Variants in USP33 observed in about 807,000 individuals in gnomAD.
The protein encoded by USP33 is ubiquitin specific peptidase 33.
Under a neutral mutation model 124.2 loss-of-function variants are expected in USP33, and 46 were observed. The ratio of observed to expected loss-of-function variants is 0.37; its 90% CI spans 0.29 to 0.47. The LOEUF is 0.47. Among genes scored for constraint, USP33 ranks in the 20% least tolerant of loss-of-function variants. The pLI, the probability that USP33 is intolerant of heterozygous loss-of-function variation, is 0.99. For missense variants in USP33, 851 were observed against 1,070.6 expected (o/e 0.79, Z 2.86); for synonymous variants, 350 against 352.3 (o/e 0.99, Z 0.07).
At chr1:77,718,446 A>G in intron 16 of USP33, 150 bp downstream of exon 16, 1 of 700,018 alleles carries the variant, frequency 1.4e-6, no homozygotes, top group Non-Finnish European at 2.4e-6. Flanking sequence ...ATTTAACTCA[A>G]TATTTTAAAA....
At chr1:77,703,175 T>C (rs959821707) in intron 21 of USP33, among the ~76,000 whole-genome samples, 5 of 152,236 alleles carry the variant, frequency 3.3e-5, no homozygotes, top group African/African-American at 1.2e-4. Context: ...CTGGCCACTT[T>C]GTTATTGCCA....
At chr1:77,701,696 T>A in intron 21 of USP33, 1 of 365,178 alleles carries the variant, frequency 2.7e-6, no homozygotes, top group Non-Finnish European at 4.8e-6. Flanking sequence ...TGAGATAGAG[T>A]TTTGCTGTTG....
rs765393498 is a variant in USP33 at position 77,718,178 on chromosome 1, AG to A, written c.1738-132del. On this transcript the variant is annotated intron_variant, in intron 16 of 23. Coordinates refer to ENST00000370794, the MANE Select transcript of USP33 (RefSeq NM_201624.3). ...GTGTTCAATCAAATTACAATTATGA[AG>A]TTATTTAGATTTTTATTTCGTTTTA... is the stretch of plus-strand genomic sequence containing the variant. 276 of 779,456 alleles carry A rather than the reference AG, an allele frequency of 3.5e-4. 1 individual carries two copies. Among genetic ancestry groups the A allele is most frequent in the South Asian group, 1.3e-3 (57 of 44,858 alleles). 48.3% of individuals were successfully genotyped at this position (779,456 alleles called of 1,614,324 possible).
chr1:77,703,443 G>T (rs1460106123), intron 21 of USP33, among the ~76,000 whole-genome samples: 3 of 152,108 alleles, frequency 2.0e-5, no homozygotes, highest in African/African-American at 7.2e-5. Flanking sequence ...GGCCAACATG[G>T]TGAAACCTCA....
At chr1:77,705,914 T>C (rs934533659) in intron 21 of USP33, among the ~76,000 whole-genome samples, 1 of 152,202 alleles carries the variant, frequency 6.6e-6, no homozygotes. Flanking sequence ...AGACATTATA[T>C]AGTCTTTTGT....
rs186262819 is a variant in USP33, at chr1:77,699,004, C to T, written c.2510-1073G>A. 4.0e-5 allele frequency among the ~76,000 whole-genome samples: 6 copies of T among 151,668 alleles called. No individual in the cohort carries two copies. In the East Asian group the frequency reaches 1.2e-3, roughly 29 times the overall value. ...TTTAAAATTTAAGGCAAAAGTGAACCGCATGGTCATCATCAAAAGTTGTAA... is the reference window on the plus strand; with the variant it reads ...TTTAAAATTTAAGGCAAAAGTGAACTGCATGGTCATCATCAAAAGTTGTAA... On this transcript the variant is annotated intron_variant, in intron 22 of 23. Coordinates refer to ENST00000370794, the MANE Select transcript of USP33 (RefSeq NM_201624.3).
intron 21 of USP33, among the ~76,000 whole-genome samples, chr1:77,705,700 T>C (rs1674549194): frequency 6.6e-6 from 1 of 151,926 alleles, no homozygotes; most frequent in Admixed American, 6.6e-5. Context: ...TAAGGTGTAA[T>C]CCTCCCACTC....
At position 77,718,101 on chromosome 1, in the gene USP33, T is replaced by C. The variant is rs1251056541; in HGVS notation, c.1738-54A>G. On this transcript the variant is annotated intron_variant, in intron 16 of 23. Transcript: ENST00000370794. Reference sequence around the variant, plus strand: ...TTGTCAATACAGAAAACAAAAAGCATTATAACAGGTAAAACTTAGTAACAT... The same window carrying C: ...TTGTCAATACAGAAAACAAAAAGCACTATAACAGGTAAAACTTAGTAACAT... 9.0e-6 allele frequency: 13 copies of C among 1,441,182 alleles called. No homozygotes were observed. The South Asian group carries it at 1.1e-4, about 12-fold the overall frequency. 89.3% of individuals were successfully genotyped at this position (1,441,182 alleles called of 1,614,324 possible).
At chr1:77,721,610 T>C (rs1676567666) in intron 14 of USP33, 1 of 521,906 alleles carries the variant, frequency 1.9e-6, no homozygotes, top group East Asian at 3.5e-5. Flanking sequence ...ATTTCACTTA[T>C]CATTTGTCTT....
chr1:77,712,492 C>T (rs999241809), intron 20 of USP33, among the ~76,000 whole-genome samples: 4 of 152,114 alleles, frequency 2.6e-5, no homozygotes, highest in African/African-American at 9.7e-5. Context: ...CACTGCACTC[C>T]CGACTGGGCG....
chr1:77,727,711 T>G (rs1280167877), intron 10 of USP33, among the ~76,000 whole-genome samples: 1 of 152,250 alleles, frequency 6.6e-6, no homozygotes, highest in Non-Finnish European at 1.5e-5. Context: ...CCCAATTTTG[T>G]GTGCTTTGGA....
intron 21 of USP33, among the ~76,000 whole-genome samples, chr1:77,705,344 G>A (rs564721174): frequency 9.2e-5 from 14 of 151,684 alleles, no homozygotes; most frequent in African/African-American, 2.7e-4. Context: ...ACAGGCACCC[G>A]CCACCATGCC....
chr1:77,721,437 A>G (rs1343189631), intron 14 of USP33: 17 of 572,818 alleles, frequency 3.0e-5, no homozygotes, highest in African/African-American at 5.7e-5. Context: ...TCATTGAACA[A>G]AACTTACTGA....
In USP33 at chr1:77,739,261, T is replaced by C; in HGVS notation, c.351+4A>G. 6.2e-7 allele frequency: 1 copy of C among 1,607,552 alleles called. No homozygotes were observed. The highest frequency in any genetic ancestry group is 8.5e-7 in the Non-Finnish European group (1 of 1,177,986). On this transcript the variant is annotated splice_donor_region_variant and intron_variant, in intron 5 of 23. Transcript: ENST00000370794. ...AGCTTAACTAAGTGGATCTAGATTA[T>C]TACCTGGACACTGTTTTCTTGTATT...
At chr1:77,702,274 T>TATAC (rs1490075982) in intron 21 of USP33, among the ~76,000 whole-genome samples, 1 of 147,406 alleles carries the variant, frequency 6.8e-6, no homozygotes, top group Non-Finnish European at 1.5e-5. Context: ...ATTTAACAAG[T>TATAC]ATACATAAAA....
At chr1:77,753,268 A>G (rs1570878870) in intron 1 of USP33, among the ~76,000 whole-genome samples, 1 of 151,960 alleles carries the variant, frequency 6.6e-6, no homozygotes, top group East Asian at 1.9e-4. Context: ...ACAGAACACT[A>G]GGTTTCAAGG....
At position 77,696,997 on chromosome 1, in the gene USP33, G is replaced by T. The variant is rs951603170; in HGVS notation, c.*320C>A. On this transcript the variant is annotated 3_prime_UTR_variant, in exon 24 of 24. Transcript: ENST00000370794. ...CTCGAGAGGCTGAGGCAGGAGAATC[G>T]CTTGAACCCAGGAGGTGGAGGCTGC... 4 of 163,568 alleles carry T rather than the reference G, an allele frequency of 2.4e-5. No homozygotes were observed. Among genetic ancestry groups the T allele is most frequent in the Non-Finnish European group, 5.3e-5 (4 of 76,096 alleles). 10.1% of individuals were successfully genotyped at this position (163,568 alleles called of 1,614,324 possible).
intron 1 of USP33, among the ~76,000 whole-genome samples, chr1:77,756,244 C>T (rs919892372): frequency 3.9e-5 from 6 of 152,058 alleles, no homozygotes; most frequent in Non-Finnish European, 8.8e-5. Flanking sequence ...CACCTGGCTC[C>T]CCTCCTCACT....
rs545738306 is a variant in USP33, at chr1:77,736,768, C to A, written c.352-610G>T. ...GGGACTATAGGTGCATGCCACAACG[C>A]CCAGCTAATTTTTGTATTTTTAGTA... On this transcript the variant is annotated intron_variant, in intron 5 of 23. Transcript: ENST00000370794. Among the ~76,000 whole-genome samples the A allele has an allele frequency of 2.6e-5, 4 of 152,170 alleles. No homozygotes were observed. The East Asian group carries it at 7.7e-4, about 29-fold the overall frequency.
Sources: gnomAD v4.1 joint callset for allele counts (sites outside exome capture counted in the v4.1 genomes callset) on GRCh38, gnomAD v4.1.1 for gene constraint, MANE v1.5 for transcripts, NCBI Gene and HGNC (gene_info 2026-07-23, HGNC 2026-07-21) for gene names.